The following SLC7A2 variants were observed in gnomAD, a reference collection of about 807,000 sequenced individuals.
The protein encoded by SLC7A2 is cationic amino acid transporter 2.
SLC7A2 carries 48 observed loss-of-function variants against 58.9 expected under a neutral mutation model. The observed-to-expected ratio is 0.82, with a 90% CI of 0.65 to 1.04. The LOEUF is 1.04. Among genes scored for constraint, SLC7A2 ranks in the 50% least tolerant of loss-of-function variants. The probability of loss-of-function intolerance (pLI) is 0.00; values close to 1 mark genes in which losing one functional copy is unlikely to be tolerated. For missense variants in SLC7A2, 1,029 were observed against 818.8 expected, an observed-to-expected ratio of 1.26 and a Z score of -3.13; for synonymous variants, 363 against 314.5, an observed-to-expected ratio of 1.15 and a Z score of -1.63.
chr8:17,552,045 C>CT (rs1802480942), intron 7 of SLC7A2, 59 bp downstream of exon 7: 1 of 1,426,436 alleles, frequency 7.0e-7, no homozygotes, highest in Non-Finnish European at 9.8e-7. Context: ...TAGTCAGTGT[C>CT]TAAAAATTTG....
In SLC7A2 at chr8:17,543,417, A is replaced by G. The variant is rs758749392; in HGVS notation, c.78A>G (p.Glu26=). 6.2e-7 allele frequency: 1 copy of G among 1,614,194 alleles called. No homozygotes were observed. Among genetic ancestry groups the G allele is most frequent in the East Asian group, 2.2e-5 (1 of 44,864 alleles). The change falls in exon 3 of 13, where the codon GAA becomes GAG. Residue 26 remains glutamate (E), a synonymous_variant. Transcript: ENST00000494857. The part of the protein sequence containing the change: ...RRKIVTLDSL[E]DTKLCRCLST... Reference sequence around the variant, plus strand: ...AAATCGTGACCCTGGACAGTCTAGAAGACACCAAATTATGCCGCTGCTTAT... The same window carrying G: ...AAATCGTGACCCTGGACAGTCTAGAGGACACCAAATTATGCCGCTGCTTAT...
intron 4 of SLC7A2, 150 bp from the exon 5 acceptor site, chr8:17,548,528 C>T (rs1431483049): frequency 3.5e-6 from 2 of 574,966 alleles, no homozygotes; most frequent in Non-Finnish European, 6.0e-6. Context: ...AGGTAATTAA[C>T]TAATGAGTAA....
intron 11 of SLC7A2, among the ~76,000 whole-genome samples, chr8:17,562,735 T>G (rs1803079524): frequency 6.6e-6 from 1 of 152,224 alleles, no homozygotes; most frequent in Non-Finnish European, 1.5e-5. Context: ...TTATTATATA[T>G]GATAGTAAAC....
At chr8:17,495,932 A>T (rs1159897999), upstream of SLC7A2, among the ~76,000 whole-genome samples, 1 of 152,244 alleles carries the variant, frequency 6.6e-6, no homozygotes, top group East Asian at 1.9e-4. Flanking sequence ...TTCTGGAATG[A>T]AGCCCCACAC....
Position 17,549,284 on chromosome 8 carries a change from C to G in SLC7A2, c.698+441C>G, listed in dbSNP as rs192004461. 1.7e-3 allele frequency among the ~76,000 whole-genome samples: 252 copies of G among 152,312 alleles called. 1 individual carries two copies. The highest frequency in any genetic ancestry group is 2.9e-3 in the Non-Finnish European group (194 of 68,014). On this transcript the variant is annotated intron_variant, in intron 5 of 12. Coordinates refer to ENST00000494857, the MANE Select transcript of SLC7A2 (RefSeq NM_001370338.1). ...CCAGAAGGCATATGTGGGTTTTCTT[C>G]TAGAGCAGTGGTTCTCAAATTTCTT...
upstream of SLC7A2, among the ~76,000 whole-genome samples, chr8:17,494,486 G>A (rs80074693): frequency 2.1e-3 from 318 of 152,240 alleles, 2 homozygotes; most frequent in East Asian, 0.015. Context: ...ACCAGGGAGC[G>A]TGAAATAGAA....
chr8:17,497,736 G>T (rs576743113), intron 1 of SLC7A2, among the ~76,000 whole-genome samples: 5 of 152,222 alleles, frequency 3.3e-5, no homozygotes, highest in Non-Finnish European at 7.3e-5. Context: ...AAGCCGGCTT[G>T]GAGCGCTGGA....
At chr8:17,550,789 A>C (rs1236209297) in intron 6 of SLC7A2, among the ~76,000 whole-genome samples, 3 of 152,226 alleles carry the variant, frequency 2.0e-5, no homozygotes, top group African/African-American at 7.2e-5. Context: ...TGGGCCATAC[A>C]TGATGATCAT....
Position 17,551,755 on chromosome 8 carries a change from T to C in SLC7A2, c.833-9T>C. The C allele has an allele frequency of 6.3e-7, 1 of 1,599,594 alleles. No homozygotes were observed. The highest frequency in any genetic ancestry group is 1.1e-5 in the South Asian group (1 of 90,800). ...TAAGCATACACATCTTTTGTTTATA[T>C]TTCCTTAGGTGAAGAAGTTCGGAAT... On this transcript the variant is annotated splice_polypyrimidine_tract_variant and intron_variant, in intron 6 of 12. Coordinates refer to ENST00000494857, the MANE Select transcript of SLC7A2 (RefSeq NM_001370338.1).
At chr8:17,507,420 C>G (rs916774922) in intron 2 of SLC7A2, among the ~76,000 whole-genome samples, 4 of 151,792 alleles carry the variant, frequency 2.6e-5, no homozygotes, top group Middle Eastern at 3.2e-3. Context: ...CACTGTGTTG[C>G]CCAGGCTGGT....
rs572173236 is a variant in SLC7A2, at chr8:17,560,321, G to A, written c.1299-7G>A. The A allele has an allele frequency of 6.2e-7, 1 of 1,611,312 alleles. No homozygotes were observed. The highest frequency in any genetic ancestry group is 1.3e-5 in the African/African-American group (1 of 74,970). ...GAATAAAGACATAGATGTTTGTTTG[G>A]AAATAGGTACCAGCCTGGCTTATCT... On this transcript the variant is annotated splice_polypyrimidine_tract_variant and splice_region_variant and intron_variant, in intron 9 of 12. Coordinates refer to ENST00000494857, the MANE Select transcript of SLC7A2 (RefSeq NM_001370338.1).
At chr8:17,562,531 G>T (rs1222530354) in intron 11 of SLC7A2, among the ~76,000 whole-genome samples, 1 of 151,912 alleles carries the variant, frequency 6.6e-6, no homozygotes, top group African/African-American at 2.4e-5. Flanking sequence ...TGGTGATAGG[G>T]TTTTGCTACA....
chr8:17,496,872 G>C (rs1445815849), upstream of SLC7A2, among the ~76,000 whole-genome samples: 1 of 151,920 alleles, frequency 6.6e-6, no homozygotes, highest in Non-Finnish European at 1.5e-5. Context: ...GCCTAGCCCG[G>C]GGCTAGCGCC....
In SLC7A2 at chr8:17,516,581, C is replaced by A. The variant is rs578257641; in HGVS notation, c.-23+14279C>A. On this transcript the variant is annotated intron_variant, in intron 2 of 12. Coordinates refer to ENST00000494857, the MANE Select transcript of SLC7A2 (RefSeq NM_001370338.1). ...GAGATGCCAGTGACTTGTCCAAAGA[C>A]ACATGGGTGGTAACTCGTAGAGATT... Among the ~76,000 whole-genome samples, 10 of 152,326 alleles carry A rather than the reference C, an allele frequency of 6.6e-5. 1 individual carries two copies. Among genetic ancestry groups the A allele is most frequent in the African/African-American group, 2.2e-4 (9 of 41,574 alleles).
At position 17,554,544 on chromosome 8, in the gene SLC7A2, T is replaced by A. The variant is rs1300671350; in HGVS notation, c.1056-16T>A. On this transcript the variant is annotated splice_polypyrimidine_tract_variant and intron_variant, in intron 7 of 12. Coordinates refer to ENST00000494857, the MANE Select transcript of SLC7A2 (RefSeq NM_001370338.1). ...ATGAATGTTTGCCATACTGCATGTG[T>A]TTGCTTTTTATTCAGTCTTCTTGGA... 2 of 1,578,286 alleles carry A rather than the reference T, an allele frequency of 1.3e-6. No homozygotes were observed. Among genetic ancestry groups the A allele is most frequent in the South Asian group, 1.2e-5 (1 of 83,202 alleles).
intron 2 of SLC7A2, among the ~76,000 whole-genome samples, chr8:17,526,626 AGAAAG>A (rs1194220098): frequency 1.3e-5 from 2 of 152,154 alleles, no homozygotes; most frequent in Admixed American, 1.3e-4. Context: ...AGAGAGAAGA[AGAAAG>A]GAAAGAGGTA....
rs372322165 is a variant in SLC7A2 at position 17,544,426 on chromosome 8, G to A, written c.377-25G>A. ...ACTTTAATTTGCCCCCAGTGACTTC[G>A]TATTCTCTGTTCTGTTTTGGGAAGG... On this transcript the variant is annotated intron_variant, in intron 3 of 12. Transcript: ENST00000494857. The A allele has an allele frequency of 1.2e-4, 192 of 1,604,352 alleles. 1 individual carries two copies. The African/African-American group carries it at 2.4e-3, about 20-fold the overall frequency.
At chr8:17,531,177 G>A (rs938332061) in intron 2 of SLC7A2, among the ~76,000 whole-genome samples, 1 of 152,180 alleles carries the variant, frequency 6.6e-6, no homozygotes, top group East Asian at 1.9e-4. Flanking sequence ...TGAAAGACCT[G>A]AAGGTCAGAT....
In SLC7A2 at chr8:17,565,357, G is replaced by A; in HGVS notation, c.*211G>A. ...CTGAGTGGAAGTTTCATTCATCAGT[G>A]ATGAATAGCCCCCAAACAGTGGGAG... On this transcript the variant is annotated 3_prime_UTR_variant, in exon 13 of 13. Transcript: ENST00000494857. The A allele has an allele frequency of 1.8e-6, 1 of 542,916 alleles. No individual in the cohort carries two copies. The highest frequency in any genetic ancestry group is 3.3e-6 in the Non-Finnish European group (1 of 306,802). 33.6% of individuals were successfully genotyped at this position (542,916 alleles called of 1,614,324 possible). A position where few individuals can be genotyped will look rare whatever the true frequency, so the allele number is the denominator to read the frequency against.
Sources: gnomAD v4.1 joint callset for allele counts (sites outside exome capture counted in the v4.1 genomes callset) on GRCh38, gnomAD v4.1.1 for gene constraint, MANE v1.5 for transcripts, NCBI Gene and HGNC (gene_info 2026-07-23, HGNC 2026-07-21) for gene names.